The following MRTFA variants were observed in gnomAD, a reference collection of about 807,000 sequenced individuals.
MRTFA encodes the protein myocardin related transcription factor A.
A neutral mutation model predicts 83.5 loss-of-function variants in MRTFA; 20 were observed. That is an observed-to-expected ratio of 0.24 (90% CI 0.17 to 0.35). The LOEUF is 0.35. Ranked by LOEUF, MRTFA falls within the 10% of genes least tolerant of loss-of-function variation. The pLI, the probability that MRTFA is intolerant of heterozygous loss-of-function variation, is 1.00. For synonymous variants in MRTFA, 659 were observed against 541.2 expected, an observed-to-expected ratio of 1.22 and a Z score of -3.02; for missense variants, 1,200 against 1,224.7, an observed-to-expected ratio of 0.98 and a Z score of 0.30.
chr22:40,630,330 T>A lies in MRTFA; in HGVS notation c.-84+6148A>T, dbSNP rs569172682. Among the ~76,000 whole-genome samples, 270 of 151,570 alleles carry A rather than the reference T, an allele frequency of 1.8e-3. 2 individuals carry two copies. Among genetic ancestry groups the A allele is most frequent in the African/African-American group, 6.1e-3 (250 of 41,298 alleles). On this transcript the variant is annotated intron_variant, in intron 1 of 14. Transcript: ENST00000355630. ...GACTCTGTCTCTCAAAAAATAAAAATAAAAAAATAAAAGGTACAGGCCTGG... is the reference window on the plus strand; with the variant it reads ...GACTCTGTCTCTCAAAAAATAAAAAAAAAAAAATAAAAGGTACAGGCCTGG...
rs1199941958 is a variant in MRTFA at position 40,424,296 on chromosome 22, G to T, written c.687C>A (p.Ala229=). ...GCACAGAACCCTGGGACTCATGGCT[G>T]GCAGGCTGCTCGGGGGATAAGGCAT... The change falls in exon 8 of 15, where the codon GCC becomes GCA. Residue 229 remains alanine (A), a synonymous_variant. Coordinates refer to ENST00000355630, the MANE Select transcript of MRTFA (RefSeq NM_020831.6). 6.2e-7 allele frequency: 1 copy of T among 1,612,706 alleles called. No homozygotes were observed. The highest frequency in any genetic ancestry group is 8.5e-7 in the Non-Finnish European group (1 of 1,179,500).
intron 14 of MRTFA, among the ~76,000 whole-genome samples, chr22:40,413,507 C>T (rs1212318578): frequency 6.6e-6 from 1 of 151,940 alleles, no homozygotes; most frequent in Non-Finnish European, 1.5e-5. Context: ...AATTTTTTCA[C>T]CATGTTGGTC....
At chr22:40,421,177 A>C (rs1602214000) in intron 9 of MRTFA, 77 bp from the exon 10 acceptor site, 1 of 1,454,416 alleles carries the variant, frequency 6.9e-7, no homozygotes, top group East Asian at 2.4e-5. Flanking sequence ...CTCTCCCCAC[A>C]CCTGTGTGGC....
At chr22:40,542,817 G>A (rs1254595926) in intron 3 of MRTFA, among the ~76,000 whole-genome samples, 1 of 152,128 alleles carries the variant, frequency 6.6e-6, no homozygotes, top group Non-Finnish European at 1.5e-5. Context: ...ACACAGAATT[G>A]GGTCTGTAGT....
intron 2 of MRTFA, among the ~76,000 whole-genome samples, chr22:40,588,708 G>A (rs146629907): frequency 2.6e-5 from 4 of 152,298 alleles, no homozygotes; most frequent in African/African-American, 7.2e-5. Flanking sequence ...TGGGCCAGAT[G>A]TATTGGCTCA....
intron 7 of MRTFA, 142 bp downstream of exon 7, chr22:40,429,464 T>C (rs769024323): frequency 1.1e-6 from 1 of 951,232 alleles, no homozygotes; most frequent in African/African-American, 1.6e-5. Flanking sequence ...TCTCAAACTC[T>C]GTGCCTTGGT....
intron 2 of MRTFA, among the ~76,000 whole-genome samples, chr22:40,555,419 A>G (rs967881897): frequency 1.3e-5 from 2 of 151,842 alleles, no homozygotes; most frequent in African/African-American, 2.4e-5. Flanking sequence ...TAGTTGTTTA[A>G]AAGTGTGTGG....
intron 2 of MRTFA, among the ~76,000 whole-genome samples, chr22:40,562,319 G>A: frequency 6.6e-6 from 1 of 151,420 alleles, no homozygotes. Flanking sequence ...CCAGGCATAT[G>A]AACAAAGCCA....
At chr22:40,482,770 A>G (rs1280968234) in intron 3 of MRTFA, among the ~76,000 whole-genome samples, 1 of 152,170 alleles carries the variant, frequency 6.6e-6, no homozygotes, top group Non-Finnish European at 1.5e-5. Flanking sequence ...TGTTGTACAG[A>G]TTCAAAACTT....
intron 3 of MRTFA, among the ~76,000 whole-genome samples, chr22:40,551,588 T>G (rs1304935444): frequency 1.3e-5 from 2 of 152,126 alleles, no homozygotes; most frequent in African/African-American, 4.8e-5. Flanking sequence ...GGCTGGTCTC[T>G]TAACTCCTGA....
intron 3 of MRTFA, chr22:40,533,834 C>G (rs1165294945): frequency 2.6e-6 from 1 of 387,626 alleles, no homozygotes; most frequent in African/African-American, 2.1e-5. Context: ...ATTTGAATTA[C>G]TGCCGACAGG....
chr22:40,602,607 G>C lies in MRTFA; in HGVS notation c.-83-7872C>G, dbSNP rs184256106. Among the ~76,000 whole-genome samples, 247 of 151,872 alleles carry C rather than the reference G, an allele frequency of 1.6e-3. 1 individual carries two copies. Among genetic ancestry groups the C allele is most frequent in the African/African-American group, 5.6e-3 (232 of 41,422 alleles). ...TAATCCCAGAACTTTGGGAGGCCAAGGTAGTTGGATCACCTGAGGTCAAGA... is the reference window on the plus strand; with the variant it reads ...TAATCCCAGAACTTTGGGAGGCCAACGTAGTTGGATCACCTGAGGTCAAGA... On this transcript the variant is annotated intron_variant, in intron 1 of 14. Coordinates refer to ENST00000355630, the MANE Select transcript of MRTFA (RefSeq NM_020831.6).
At chr22:40,482,705 TC>T (rs1374355978) in intron 3 of MRTFA, among the ~76,000 whole-genome samples, 1 of 152,178 alleles carries the variant, frequency 6.6e-6, no homozygotes, top group Non-Finnish European at 1.5e-5. Flanking sequence ...CAGCCTTGAA[TC>T]TCATTTGCTA....
At chr22:40,423,409 C>G (rs965064086) in intron 9 of MRTFA, 127 bp downstream of exon 9, 8 of 877,672 alleles carry the variant, frequency 9.1e-6, no homozygotes, top group Non-Finnish European at 1.3e-5. Context: ...CGGGAAGAAA[C>G]TCCCAGACCA....
chr22:40,434,800 A>G (rs200517380), intron 5 of MRTFA, among the ~76,000 whole-genome samples: 1 of 152,198 alleles, frequency 6.6e-6, no homozygotes, highest in East Asian at 1.9e-4. Context: ...TTATCTTCCC[A>G]TGATTTTATG....
At chr22:40,422,548 G>T (rs1383170834) in intron 9 of MRTFA, among the ~76,000 whole-genome samples, 4 of 152,236 alleles carry the variant, frequency 2.6e-5, no homozygotes, top group African/African-American at 9.6e-5. Context: ...GGGTAGGCTG[G>T]GAGGAGAGGC....
rs375703661 is a variant in MRTFA, at chr22:40,420,428, G to A, written c.1330C>T (p.Pro444Ser). ...ACCTTCATGTCGTCCAGGTTGGCCG[G>A]CAGGGCTCCCGGCTTGCCAGTCAGT... Residue 444 changes from proline (P) to serine (S), a missense_variant, in exon 11 of 15, where the codon CCG (proline) becomes TCG (serine). Pro to Ser is a moderately conservative substitution (Grantham distance 74). Around this residue, in one of 2 missense-constraint regions of MRTFA, gnomAD observed 1,107 missense variants for 1,041.8 expected, o/e 1.06. Transcript: ENST00000355630. The A allele has an allele frequency of 6.2e-7, 1 of 1,613,590 alleles. No individual in the cohort carries two copies. Among genetic ancestry groups the A allele is most frequent in the Non-Finnish European group, 8.5e-7 (1 of 1,179,990 alleles).
At chr22:40,610,521 G>A (rs1014943041) in intron 1 of MRTFA, among the ~76,000 whole-genome samples, 1 of 152,154 alleles carries the variant, frequency 6.6e-6, no homozygotes, top group African/African-American at 2.4e-5. Context: ...TTATCAGACA[G>A]AAGCAGCTCT....
At chr22:40,530,331 C>CT in intron 3 of MRTFA, among the ~76,000 whole-genome samples, 1 of 152,306 alleles carries the variant, frequency 6.6e-6, no homozygotes, top group African/African-American at 2.4e-5. Flanking sequence ...GGGTCTCGCT[C>CT]TGTCGCCCAG....
Sources: allele counts gnomAD v4.1 joint callset (sites outside exome capture counted in the v4.1 genomes callset), GRCh38; gene constraint gnomAD v4.1.1; regional missense constraint gnomAD v4.1.1; transcripts MANE v1.5; gene names NCBI Gene and HGNC (gene_info 2026-07-23, HGNC 2026-07-21).